SCYL1: variants seen among roughly 807,000 people sequenced by gnomAD.
SCYL1 encodes N-terminal kinase-like protein.
A neutral mutation model predicts 94.8 loss-of-function variants in SCYL1; 85 were observed. That is an observed-to-expected ratio of 0.90 (90% confidence interval 0.75 to 1.07). The LOEUF is 1.07. Among genes scored for constraint, SCYL1 ranks in the 50% least tolerant of loss-of-function variants. The pLI, the probability that SCYL1 is intolerant of heterozygous loss-of-function variation, is 0.00. For synonymous variants in SCYL1, 459 were observed against 435.5 expected (o/e 1.05, Z -0.67); for missense variants, 968 against 1,083.3 (o/e 0.89, Z 1.49).
rs778885989 is a variant in SCYL1 at position 65,537,083 on chromosome 11, C to T, written c.1914C>T (p.Ser638=). 11 of 1,614,022 alleles carry T rather than the reference C, an allele frequency of 6.8e-6. No homozygotes were observed. Among genetic ancestry groups the T allele is most frequent in the Non-Finnish European group, 8.5e-7 (1 of 1,179,980 alleles). The change falls in exon 14 of 18, where the codon AGC becomes AGT. Residue 638 remains serine, a synonymous_variant. Coordinates refer to ENST00000270176, the MANE Select transcript of SCYL1 (RefSeq NM_020680.4). ...QEEDKDTAED[S]STADRWDDED... ...AGGACAAGGACACAGCAGAGGACAG[C>T]AGCACTGCTGACAGATGGGACGACG...
At chr11:65,535,160 A>C (rs915970774) in intron 9 of SCYL1, 67 bp from the exon 10 acceptor site, 99 of 1,580,606 alleles carry the variant, frequency 6.3e-5, no homozygotes, top group Non-Finnish European at 7.6e-5. Context: ...GGCTGCCAGG[A>C]GGCTGTTCCT....
intron 12 of SCYL1, 65 bp from the exon 13 acceptor site, chr11:65,536,521 G>A (rs1344731678): frequency 2.7e-5 from 43 of 1,568,550 alleles, no homozygotes; most frequent in Middle Eastern, 1.9e-4. Context: ...GTCAGTTCCT[G>A]CTGTCCTGTC....
At position 65,531,750 on chromosome 11, in the gene SCYL1, C is replaced by G. The variant is rs1855378139; in HGVS notation, c.1116+67C>G. On this transcript the variant is annotated intron_variant, in intron 8 of 17. Transcript: ENST00000270176. ...CCCAACCTGGTGGCTGGGGAGGCAC[C>G]TGCCCTGGCTGCACAGGGACCCCAG... 1.8e-5 allele frequency: 21 copies of G among 1,174,592 alleles called. No individual in the cohort carries two copies. In the South Asian group the frequency reaches 2.6e-4, roughly 15 times the overall value. 72.8% of individuals were successfully genotyped at this position (1,174,592 alleles called of 1,614,324 possible).
rs1203980383 is a variant in SCYL1 at position 65,526,055 on chromosome 11, G to A, written c.375+12G>A. 1.2e-6 allele frequency: 2 copies of A among 1,612,528 alleles called. No individual in the cohort carries two copies. The highest frequency in any genetic ancestry group is 1.7e-5 in the Admixed American group (1 of 59,996). ...TACACCAGATCGTGGTGAGGTGGGG[G>A]GCAGTGGTGATGAGAGCAGGGATGG... On this transcript the variant is annotated intron_variant, in intron 3 of 17. Coordinates refer to ENST00000270176, the MANE Select transcript of SCYL1 (RefSeq NM_020680.4). The surrounding 1 kb of genome is among the most constrained non-coding windows in gnomAD (Gnocchi z 4.1).
chr11:65,533,057 C>T (rs979017338), intron 9 of SCYL1: 79 of 473,098 alleles, frequency 1.7e-4, no homozygotes, highest in Non-Finnish European at 2.7e-4. Flanking sequence ...TGCCCAGCCC[C>T]CTGCACTCAT....
rs1590750402 is a variant in SCYL1, at chr11:65,538,339, T to C, written c.2302+15T>C. 6.5e-7 allele frequency: 1 copy of C among 1,544,494 alleles called. No individual in the cohort carries two copies. The highest frequency in any genetic ancestry group is 8.8e-7 in the Non-Finnish European group (1 of 1,142,762). On this transcript the variant is annotated intron_variant, in intron 17 of 17. Transcript: ENST00000270176. Reference sequence around the variant, plus strand: ...GACTGACAGTCGTAAGTGCTTCCCCTGGGTGGGCTGAAGACTAGGGCTCCC... The same window carrying C: ...GACTGACAGTCGTAAGTGCTTCCCCCGGGTGGGCTGAAGACTAGGGCTCCC...
rs533836970 is a variant in SCYL1 at position 65,536,834 on chromosome 11, C to CG, written c.1816+88dup. Reference sequence around the variant, plus strand: ...AGGAACTCTTACTGTCTGACTCCCCCGGGGATGGTGAAGGGGATATAGGAG... The same window carrying CG: ...AGGAACTCTTACTGTCTGACTCCCCCGGGGGATGGTGAAGGGGATATAGGAG... On this transcript the variant is annotated intron_variant, in intron 13 of 17. Coordinates refer to ENST00000270176, the MANE Select transcript of SCYL1 (RefSeq NM_020680.4). 3,166 of 1,464,094 alleles carry CG rather than the reference C, an allele frequency of 2.2e-3. 6 individuals carry two copies. The highest frequency in any genetic ancestry group is 4.2e-3 in the Admixed American group (232 of 54,668). 90.7% of individuals were successfully genotyped at this position (1,464,094 alleles called of 1,614,324 possible).
chr11:65,525,801 T>C, intron 2 of SCYL1, 87 bp downstream of exon 2: 2 of 1,585,692 alleles, frequency 1.3e-6, no homozygotes, highest in South Asian at 1.1e-5. Context: ...GTTTCCACCC[T>C]ATGTGCCCCA....
At chr11:65,533,012 C>A (rs965874099) in intron 9 of SCYL1, 47 of 553,828 alleles carry the variant, frequency 8.5e-5, no homozygotes, top group Non-Finnish European at 1.6e-5. Context: ...CTGTTCCTGG[C>A]CCAAGCCCCA....
intron 9 of SCYL1, 178 bp from the exon 10 acceptor site, chr11:65,535,048 AG>A (rs1855567231): frequency 2.9e-6 from 2 of 698,766 alleles, no homozygotes; most frequent in Non-Finnish European, 2.3e-6. Flanking sequence ...TTTGCTGTAA[AG>A]GGGGACAGAA....
At chr11:65,525,337 G>C in intron 1 of SCYL1, 73 bp downstream of exon 1, 1 of 1,205,428 alleles carries the variant, frequency 8.3e-7, no homozygotes. Flanking sequence ...ACCCCGTCGC[G>C]TTGCGCCCGG....
At chr11:65,537,684 C>T in intron 14 of SCYL1, 125 bp from the exon 15 acceptor site, 1 of 775,462 alleles carries the variant, frequency 1.3e-6, no homozygotes, top group Non-Finnish European at 2.0e-6. Context: ...GGAAACAGGG[C>T]CTGAGGAGCA....
chr11:65,538,232 G>T (rs988799656), intron 16 of SCYL1, 38 bp from the exon 17 acceptor site: 2 of 1,555,566 alleles, frequency 1.3e-6, no homozygotes, highest in South Asian at 2.4e-5. Flanking sequence ...ACCTCAGCCA[G>T]AAGTGGGCCC....
chr11:65,537,997 T>C lies in SCYL1; in HGVS notation c.2062T>C (p.Ser688Pro), dbSNP rs898442618. The stretch of plus-strand genomic sequence containing the variant: ...CAACTCCGACCACAAATCCTCCAAA[T>C]CCCCAGAGTCCGACTGGAGCAGCTG... ...VSNSDHKSSK[S>P]PESDWSSWEA... Residue 688 changes from serine to proline, a missense_variant, in exon 16 of 18, where the codon TCC becomes CCC. Ser to Pro is a moderately conservative substitution (Grantham distance 74). Around this residue, in one of 2 missense-constraint regions of SCYL1, gnomAD observed 474 missense variants for 463.6 expected, o/e 1.02. Transcript: ENST00000270176. 4.3e-6 allele frequency: 7 copies of C among 1,612,368 alleles called. No individual in the cohort carries two copies. The Admixed American group carries it at 5.0e-5, about 12-fold the overall frequency.
intron 11 of SCYL1, 51 bp downstream of exon 11, chr11:65,536,192 G>T (rs1312918014): frequency 1.2e-6 from 2 of 1,604,246 alleles, no homozygotes; most frequent in Non-Finnish European, 8.5e-7. Flanking sequence ...GGGGATGTCA[G>T]CCCCTAGCTG....
Position 65,538,649 on chromosome 11 carries a change from C to A in SCYL1, c.*83C>A. ...TACAAACCATGTGAGCCCGGCCGGC[C>A]CAGCCAGGCCATCTCACGTGTACAT... is the stretch of plus-strand genomic sequence containing the variant. On this transcript the variant is annotated 3_prime_UTR_variant, in exon 18 of 18. Transcript: ENST00000270176. 2 of 1,452,810 alleles carry A rather than the reference C, an allele frequency of 1.4e-6. No homozygotes were observed. The highest frequency in any genetic ancestry group is 2.4e-5 in the East Asian group (1 of 41,638). 90.0% of individuals were successfully genotyped at this position (1,452,810 alleles called of 1,614,324 possible). A position where few individuals can be genotyped will look rare whatever the true frequency, so the allele number is the denominator to read the frequency against.
At chr11:65,529,644 A>G (rs1251979526) in intron 6 of SCYL1, among the ~76,000 whole-genome samples, 1 of 152,154 alleles carries the variant, frequency 6.6e-6, no homozygotes, top group Admixed American at 6.5e-5. Context: ...AGCCGCGGCT[A>G]TGGGGGTGGT....
chr11:65,535,391 C>A lies in SCYL1; in HGVS notation c.1386+9C>A. ...CCTACCTCAGTGCTAGCGTGAGTGT[C>A]CTGCACAACTGCTGGAGCCCGGTCC... is the stretch of plus-strand genomic sequence containing the variant. On this transcript the variant is annotated intron_variant, in intron 10 of 17. Transcript: ENST00000270176. The A allele has an allele frequency of 1.2e-6, 2 of 1,611,812 alleles. No homozygotes were observed. Among genetic ancestry groups the A allele is most frequent in the Non-Finnish European group, 1.7e-6 (2 of 1,178,078 alleles).
chr11:65,536,857 G>A lies in SCYL1; in HGVS notation c.1816+107G>A, dbSNP rs917039193. Reference sequence around the variant, plus strand: ...CCCGGGGATGGTGAAGGGGATATAGGAGCTGGGTAGGCTCCAGTCACCCTG... The same window carrying A: ...CCCGGGGATGGTGAAGGGGATATAGAAGCTGGGTAGGCTCCAGTCACCCTG... On this transcript the variant is annotated intron_variant, in intron 13 of 17. Coordinates refer to ENST00000270176, the MANE Select transcript of SCYL1 (RefSeq NM_020680.4). 18 of 1,385,122 alleles carry A rather than the reference G, an allele frequency of 1.3e-5. No homozygotes were observed. In the East Asian group the frequency reaches 4.1e-4, roughly 32 times the overall value. The allele number at this position is 1,385,122 out of a possible 1,614,324, so 85.8% of individuals were successfully genotyped here.
Sources: allele counts gnomAD v4.1 joint callset (sites outside exome capture counted in the v4.1 genomes callset), GRCh38; gene constraint gnomAD v4.1.1; regional missense constraint gnomAD v4.1.1; non-coding constraint Gnocchi (gnomAD v3.1); transcripts MANE v1.5; gene names NCBI Gene and HGNC (gene_info 2026-07-23, HGNC 2026-07-21).